Variants in PRDM15 observed in about 807,000 individuals in gnomAD.
PRDM15 encodes the protein PR/SET domain 15.
A neutral mutation model predicts 128.6 loss-of-function variants in PRDM15; 64 were observed. The observed-to-expected ratio is 0.50, with a 90% confidence interval of 0.41 to 0.61. The LOEUF (loss-of-function observed/expected upper bound fraction) is 0.61, where lower values mean the gene tolerates loss of function less well. PRDM15 is among the 20% of genes least tolerant of loss of function. PRDM15 has a pLI of 0.00. For missense variants in PRDM15, 1,242 were observed against 1,569.1 expected (o/e 0.79, Z 3.52); for synonymous variants, 615 against 621.8 (o/e 0.99, Z 0.16).
intron 10 of PRDM15, 91 bp from the exon 11 acceptor site, chr21:41,835,615 CTG>C (rs2062848504): frequency 9.9e-7 from 1 of 1,014,692 alleles, no homozygotes; most frequent in African/African-American, 1.6e-5. Flanking sequence ...GACTCCACGC[CTG>C]TGTCTGTTAT....
chr21:41,845,358 C>T (rs1310379444), intron 6 of PRDM15, among the ~76,000 whole-genome samples: 4 of 147,372 alleles, frequency 2.7e-5, no homozygotes, highest in South Asian at 2.3e-4. Context: ...GTTCACAGGC[C>T]GGCCTTTGGG....
At chr21:41,805,344 G>A (rs573681302) in intron 21 of PRDM15, among the ~76,000 whole-genome samples, 2 of 152,318 alleles carry the variant, frequency 1.3e-5, no homozygotes, top group Non-Finnish European at 2.9e-5. Context: ...AACAAAATTA[G>A]CAAGAGTCTG....
intron 21 of PRDM15, among the ~76,000 whole-genome samples, chr21:41,805,239 G>A (rs1198624727): frequency 6.6e-6 from 1 of 152,164 alleles, no homozygotes; most frequent in Non-Finnish European, 1.5e-5. Flanking sequence ...TACAGCAGTT[G>A]CGTTTGTTCC....
intron 18 of PRDM15, among the ~76,000 whole-genome samples, chr21:41,816,694 G>C (rs78397102): frequency 0.011 from 1,682 of 152,212 alleles, 15 homozygotes; most frequent in South Asian, 0.066. Flanking sequence ...AATTCTAAAG[G>C]CCGGGCCAGA....
chr21:41,810,034 A>T lies in PRDM15; in HGVS notation c.2652+120T>A, dbSNP rs2061811583. The T allele has an allele frequency of 1.5e-5, 15 of 994,632 alleles. No individual in the cohort carries two copies. The highest frequency in any genetic ancestry group is 2.2e-5 in the Non-Finnish European group (15 of 681,154). The allele number at this position is 994,632 out of a possible 1,614,324, so 61.6% of individuals were successfully genotyped here. A position where few individuals can be genotyped will look rare whatever the true frequency, so the allele number is the denominator to read the frequency against. ...AGTGCCAGTCACAGACGCACCTAAG[A>T]CTCAGGGCCTGCCTCCAGTACTGGG... On this transcript the variant is annotated intron_variant, in intron 21 of 23. Coordinates refer to ENST00000398548, the MANE Select transcript of PRDM15 (RefSeq NM_001040424.3). The surrounding 1 kb of genome is among the most constrained non-coding windows in gnomAD (Gnocchi z 6.4).
intron 9 of PRDM15, 108 bp downstream of exon 9, chr21:41,836,360 G>A (rs1430663788): frequency 2.4e-5 from 32 of 1,327,978 alleles, no homozygotes; most frequent in Non-Finnish European, 3.2e-5. Flanking sequence ...TCTCACTGGC[G>A]CAGCTCGTGG....
intron 1 of PRDM15, among the ~76,000 whole-genome samples, chr21:41,876,210 C>T (rs2064408423): frequency 6.6e-6 from 1 of 152,194 alleles, no homozygotes; most frequent in Admixed American, 6.5e-5. Context: ...AAATAGTCTC[C>T]ACTTCGATAA....
In PRDM15 at chr21:41,857,236, G is replaced by A. The variant is rs112850683; in HGVS notation, c.225C>T (p.Phe75=). 21 of 1,613,704 alleles carry A rather than the reference G, an allele frequency of 1.3e-5. No individual in the cohort carries two copies. Among genetic ancestry groups the A allele is most frequent in the East Asian group, 4.5e-5 (2 of 44,894 alleles). The stretch of plus-strand genomic sequence containing the variant: ...CGACCCTCCTGGACTCAAAGGGACC[G>A]AACTGTGTCCGCTTGACGAGCTGAG... ...AITQLVKRTQ[F]GPFESRRVAK... is the part of the protein sequence containing the mutation. Residue 75 remains phenylalanine (F), a synonymous_variant, in exon 4 of 24, where the codon TTC becomes TTT. Coordinates refer to ENST00000398548, the MANE Select transcript of PRDM15 (RefSeq NM_001040424.3).
At chr21:41,850,377 C>T (rs1487307267) in intron 5 of PRDM15, among the ~76,000 whole-genome samples, 1 of 149,516 alleles carries the variant, frequency 6.7e-6, no homozygotes, top group African/African-American at 2.4e-5. Flanking sequence ...TCGGCTGCCC[C>T]CTCCATCTGT....
Position 41,820,042 on chromosome 21 carries a change from C to G in PRDM15, c.2140+53G>C, listed in dbSNP as rs1191940274. 3.3e-6 allele frequency: 5 copies of G among 1,498,682 alleles called. No individual in the cohort carries two copies. The African/African-American group carries it at 5.5e-5, about 17-fold the overall frequency. The allele number at this position is 1,498,682 out of a possible 1,614,324, so 92.8% of individuals were successfully genotyped here. The stretch of plus-strand genomic sequence containing the variant: ...ACGCGGAGACCCCCAGCATCCCTCC[C>G]TGCCAGCCCCCTCCAGCGAGGGCCG... On this transcript the variant is annotated intron_variant, in intron 17 of 23. Transcript: ENST00000398548.
In PRDM15 at chr21:41,864,960, G is replaced by A. The variant is rs1287685714; in HGVS notation, c.-9-4588C>T. ...TGCCTCTGGGCCTTTCCACATGCTC[G>A]CCCCCCAAGGCTGGCCCTCTCCCCA... On this transcript the variant is annotated intron_variant, in intron 1 of 23. Coordinates refer to ENST00000398548, the MANE Select transcript of PRDM15 (RefSeq NM_001040424.3). Among the ~76,000 whole-genome samples the A allele has an allele frequency of 4.3e-5, 6 of 139,556 alleles. 1 individual carries two copies. Among genetic ancestry groups the A allele is most frequent in the East Asian group, 2.3e-4 (1 of 4,336 alleles). The allele number at this position is 139,556 out of a possible 152,430, so 91.6% of individuals were successfully genotyped here.
intron 8 of PRDM15, among the ~76,000 whole-genome samples, chr21:41,837,568 G>T (rs1198657830): frequency 1.3e-5 from 2 of 152,156 alleles, no homozygotes; most frequent in Non-Finnish European, 2.9e-5. Flanking sequence ...AGTGCGGACA[G>T]CGTTTCAGCT....
intron 6 of PRDM15, among the ~76,000 whole-genome samples, chr21:41,842,182 GA>G (rs889525982): frequency 2.0e-5 from 3 of 152,268 alleles, no homozygotes; most frequent in Admixed American, 2.0e-4. Context: ...AGTCTGGCAA[GA>G]AAAAATAGAG....
intron 8 of PRDM15, among the ~76,000 whole-genome samples, 195 bp downstream of exon 8, chr21:41,837,739 T>G (rs2062941920): frequency 6.6e-6 from 1 of 151,936 alleles, no homozygotes; most frequent in Non-Finnish European, 1.5e-5. Flanking sequence ...GTTTTCACAG[T>G]GGATGCACCA....
Position 41,860,365 on chromosome 21 carries a change from T to C in PRDM15, c.-2A>G, listed in dbSNP as rs1372181405. The C allele has an allele frequency of 6.2e-7, 1 of 1,613,846 alleles. No homozygotes were observed. Among genetic ancestry groups the C allele is most frequent in the Admixed American group, 1.7e-5 (1 of 60,016 alleles). On this transcript the variant is annotated 5_prime_UTR_variant, in exon 2 of 24. Coordinates refer to ENST00000398548, the MANE Select transcript of PRDM15 (RefSeq NM_001040424.3). Reference sequence around the variant, plus strand: ...CTCTTCGCTCCCATCTTCAGCCATCTCTGACACCTGTCAGGATACAAGAGA... The same window carrying C: ...CTCTTCGCTCCCATCTTCAGCCATCCCTGACACCTGTCAGGATACAAGAGA...
chr21:41,809,053 G>A (rs2061772137), intron 21 of PRDM15, among the ~76,000 whole-genome samples: 1 of 152,196 alleles, frequency 6.6e-6, no homozygotes, highest in Admixed American at 6.5e-5. Flanking sequence ...TTGCTTTTCT[G>A]GGATGCGCGG....
At chr21:41,809,248 T>TG (rs1193412872) in intron 21 of PRDM15, among the ~76,000 whole-genome samples, 1 of 151,584 alleles carries the variant, frequency 6.6e-6, no homozygotes, top group East Asian at 1.9e-4. Context: ...TTTTTTTTTT[T>TG]TTGAGATGGA....
intron 14 of PRDM15, 59 bp from the exon 15 acceptor site, chr21:41,822,096 T>A: frequency 6.2e-7 from 1 of 1,606,868 alleles, no homozygotes; most frequent in Non-Finnish European, 8.5e-7. Context: ...CACTCAGTTA[T>A]CTACACCGCA....
intron 5 of PRDM15, among the ~76,000 whole-genome samples, chr21:41,849,022 T>C (rs2063348387): frequency 6.6e-6 from 1 of 152,174 alleles, no homozygotes. Context: ...AGGCCTAAGA[T>C]GTGGTGAGCC....
Sources: allele counts gnomAD v4.1 joint callset (sites outside exome capture counted in the v4.1 genomes callset), GRCh38; gene constraint gnomAD v4.1.1; non-coding constraint Gnocchi (gnomAD v3.1); transcripts MANE v1.5; gene names NCBI Gene and HGNC (gene_info 2026-07-23, HGNC 2026-07-21).